The following MARCHF1 variants were observed in gnomAD, a reference collection of about 807,000 sequenced individuals.
The protein encoded by MARCHF1 is E3 ubiquitin-protein ligase MARCHF1.
In MARCHF1, 40 loss-of-function variants were observed where a neutral mutation model predicts 54.2. That is an observed-to-expected ratio of 0.74 (90% CI 0.57 to 0.96). The LOEUF (loss-of-function observed/expected upper bound fraction) is 0.96, where lower values mean the gene tolerates loss of function less well. Ranked by LOEUF, MARCHF1 falls within the 40% of genes least tolerant of loss-of-function variation. MARCHF1 has a pLI of 0.00. For missense variants in MARCHF1, 586 were observed against 656.5 expected (o/e 0.89, Z 1.17); for synonymous variants, 236 against 236.3 (o/e 1.00, Z 0.01).
At position 164,023,736 on chromosome 4, in the gene MARCHF1, C is replaced by T. The variant is rs142739612; in HGVS notation, c.-247-35027G>A. Among the ~76,000 whole-genome samples, 878 of 152,174 alleles carry T rather than the reference C, an allele frequency of 5.8e-3. 12 individuals are homozygous for T. The highest frequency in any genetic ancestry group is 0.02 in the African/African-American group (845 of 41,530). Reference sequence around the variant, plus strand: ...TTCCCAGCAGTAGTTCTTAAACAGACTGAATGAATGAAATGACAGACATAG... The same window carrying T: ...TTCCCAGCAGTAGTTCTTAAACAGATTGAATGAATGAAATGACAGACATAG... On this transcript the variant is annotated intron_variant, in intron 2 of 9. Coordinates refer to ENST00000514618, the MANE Select transcript of MARCHF1 (RefSeq NM_001394959.1).
chr4:164,092,514 A>G (rs1755326684), intron 2 of MARCHF1, among the ~76,000 whole-genome samples: 1 of 152,160 alleles, frequency 6.6e-6, no homozygotes, highest in Non-Finnish European at 1.5e-5. Context: ...CAGGTTTATA[A>G]GCTGTCTATT....
intron 1 of MARCHF1, among the ~76,000 whole-genome samples, chr4:164,157,785 A>T (rs2110930378): frequency 6.6e-6 from 1 of 152,202 alleles, no homozygotes; most frequent in East Asian, 1.9e-4. Flanking sequence ...TTCCACTATG[A>T]CCTCATCTTA....
At chr4:163,820,759 T>C in intron 4 of MARCHF1, among the ~76,000 whole-genome samples, 1 of 152,050 alleles carries the variant, frequency 6.6e-6, no homozygotes, top group Admixed American at 6.6e-5. Flanking sequence ...AAGTTGACTT[T>C]ATAATTTTCA....
chr4:163,538,838 A>C (rs1371648676), intron 9 of MARCHF1, among the ~76,000 whole-genome samples: 2 of 152,046 alleles, frequency 1.3e-5, no homozygotes, highest in African/African-American at 4.8e-5. Context: ...ATAGCCCCTG[A>C]TTGGCTCATG....
chr4:164,324,031 T>A (rs1735210434), intron 1 of MARCHF1, among the ~76,000 whole-genome samples: 1 of 151,646 alleles, frequency 6.6e-6, no homozygotes, highest in South Asian at 2.1e-4. Context: ...CAAACAAAAA[T>A]AAAGACTAAT....
intron 3 of MARCHF1, among the ~76,000 whole-genome samples, chr4:163,955,348 A>G (rs1276623905): frequency 1.1e-4 from 8 of 73,666 alleles, no homozygotes; most frequent in Non-Finnish European, 1.9e-4. Flanking sequence ...GCTTTGAGGG[A>G]AAAAAAAAAC....
chr4:164,042,557 CA>C (rs1298687771), intron 2 of MARCHF1, among the ~76,000 whole-genome samples: 1 of 152,136 alleles, frequency 6.6e-6, no homozygotes, highest in African/African-American at 2.4e-5. Flanking sequence ...GCCCCTTCTC[CA>C]ATTCAACATG....
At chr4:163,820,796 T>C (rs2111051790) in intron 4 of MARCHF1, among the ~76,000 whole-genome samples, 1 of 152,110 alleles carries the variant, frequency 6.6e-6, no homozygotes, top group South Asian at 2.1e-4. Context: ...TTTCCATCCC[T>C]AAACACTACT....
intron 3 of MARCHF1, among the ~76,000 whole-genome samples, chr4:163,891,929 A>G (rs1750669647): frequency 6.6e-6 from 1 of 152,180 alleles, no homozygotes; most frequent in South Asian, 2.1e-4. Context: ...GCATCCCACA[A>G]TCATCAACTA....
chr4:163,952,956 A>G (rs1327946096), intron 3 of MARCHF1, among the ~76,000 whole-genome samples: 2 of 152,194 alleles, frequency 1.3e-5, no homozygotes, highest in African/African-American at 4.8e-5. Flanking sequence ...TCAGGCTAGA[A>G]AGGCTAAAAG....
intron 3 of MARCHF1, among the ~76,000 whole-genome samples, chr4:163,934,749 T>C (rs1396845952): frequency 6.6e-6 from 1 of 151,810 alleles, no homozygotes; most frequent in African/African-American, 2.4e-5. Context: ...CCATGCAAAG[T>C]CATCTATTAG....
chr4:163,822,391 C>CA (rs1222997767), intron 4 of MARCHF1, among the ~76,000 whole-genome samples: 12 of 151,426 alleles, frequency 7.9e-5, no homozygotes, highest in Non-Finnish European at 1.0e-4. Context: ...AATAGTTTTG[C>CA]AAAAAAGAAG....
At chr4:163,929,602 C>T (rs942498179) in intron 3 of MARCHF1, among the ~76,000 whole-genome samples, 8 of 151,798 alleles carry the variant, frequency 5.3e-5, no homozygotes, top group African/African-American at 1.7e-4. Flanking sequence ...CCTTCTAATG[C>T]TAACCAGGTA....
At chr4:163,848,904 T>C (rs35974747) in intron 4 of MARCHF1, among the ~76,000 whole-genome samples, 11 of 152,166 alleles carry the variant, frequency 7.2e-5, no homozygotes, top group Admixed American at 3.3e-4. Flanking sequence ...AGGTCAGTTA[T>C]GGAGAATTCT....
intron 2 of MARCHF1, among the ~76,000 whole-genome samples, chr4:164,098,704 A>C (rs1212539382): frequency 1.3e-5 from 2 of 152,232 alleles, no homozygotes; most frequent in Non-Finnish European, 1.5e-5. Context: ...CACAGAAGAG[A>C]GATGTGCTCA....
chr4:164,170,929 G>C (rs549055202), intron 1 of MARCHF1, among the ~76,000 whole-genome samples: 1 of 151,892 alleles, frequency 6.6e-6, no homozygotes, highest in Non-Finnish European at 1.5e-5. Flanking sequence ...TAATTATGAC[G>C]GCTCCTATGT....
chr4:164,072,802 A>T (rs1754897172), intron 2 of MARCHF1, among the ~76,000 whole-genome samples: 1 of 152,116 alleles, frequency 6.6e-6, no homozygotes, highest in Non-Finnish European at 1.5e-5. Context: ...GTACCTATTA[A>T]TAAAGGTTAT....
At chr4:164,172,059 A>G (rs894835504) in intron 1 of MARCHF1, among the ~76,000 whole-genome samples, 3 of 152,144 alleles carry the variant, frequency 2.0e-5, no homozygotes, top group East Asian at 1.9e-4. Context: ...CTGTGGCTCA[A>G]TATGGAGTCT....
chr4:163,748,171 G>C (rs1012121930), intron 4 of MARCHF1, among the ~76,000 whole-genome samples: 1 of 152,124 alleles, frequency 6.6e-6, no homozygotes, highest in African/African-American at 2.4e-5. Context: ...TTATAGAACA[G>C]CTACCTTCAG....
Sources: gnomAD v4.1 joint callset for allele counts (sites outside exome capture counted in the v4.1 genomes callset) on GRCh38, gnomAD v4.1.1 for gene constraint, MANE v1.5 for transcripts, NCBI Gene and HGNC (gene_info 2026-07-23, HGNC 2026-07-21) for gene names.